The following EPHB2 variants were observed in gnomAD, a reference collection of about 807,000 sequenced individuals.
EPHB2 encodes ephrin type-B receptor 2.
In EPHB2, 18 loss-of-function variants were observed where a neutral mutation model predicts 96.4. That is an observed-to-expected ratio of 0.19 (90% confidence interval 0.13 to 0.28). The LOEUF (loss-of-function observed/expected upper bound fraction) is 0.28, where lower values mean the gene tolerates loss of function less well. Ranked by LOEUF, EPHB2 falls within the 10% of genes least tolerant of loss-of-function variation. EPHB2 has a pLI of 1.00. For missense variants in EPHB2, 989 were observed against 1,355.4 expected, an observed-to-expected ratio of 0.73 and a Z score of 4.25; for synonymous variants, 506 against 534.1, an observed-to-expected ratio of 0.95 and a Z score of 0.72.
chr1:22,901,746 G>A (rs533489571), intron 9 of EPHB2, among the ~76,000 whole-genome samples: 27 of 152,062 alleles, frequency 1.8e-4, no homozygotes, highest in Non-Finnish European at 3.8e-4. Context: ...CTCTGTAGCC[G>A]GCCTGGGTTC....
chr1:22,789,114 C>T (rs866987544), intron 3 of EPHB2, among the ~76,000 whole-genome samples: 1 of 152,108 alleles, frequency 6.6e-6, no homozygotes, highest in Non-Finnish European at 1.5e-5. Context: ...TGAGCTCAGA[C>T]GCACGATGTG....
At chr1:22,861,301 C>A (rs1372983175) in intron 3 of EPHB2, among the ~76,000 whole-genome samples, 1 of 151,858 alleles carries the variant, frequency 6.6e-6, no homozygotes, top group Non-Finnish European at 1.5e-5. Flanking sequence ...GCTTGCATGG[C>A]CTCCAAAGCC....
At chr1:22,884,935 A>G (rs1639175531) in intron 6 of EPHB2, among the ~76,000 whole-genome samples, 1 of 152,214 alleles carries the variant, frequency 6.6e-6, no homozygotes, top group Admixed American at 6.5e-5. Context: ...TGAGCTAGAA[A>G]GTAAGTTCCT....
intron 1 of EPHB2, among the ~76,000 whole-genome samples, chr1:22,725,118 G>C (rs1259194009): frequency 6.6e-6 from 1 of 152,010 alleles, no homozygotes; most frequent in Non-Finnish European, 1.5e-5. Flanking sequence ...CCATGTATAG[G>C]TTTCTCCCCC....
rs1644907977 is a variant in EPHB2, at chr1:22,805,277, G to A, written c.811+20201G>A. Among the ~76,000 whole-genome samples the A allele has an allele frequency of 2.0e-5, 3 of 152,106 alleles. No individual in the cohort carries two copies. The South Asian group carries it at 6.2e-4, about 32-fold the overall frequency. On this transcript the variant is annotated intron_variant, in intron 3 of 15. Coordinates refer to ENST00000374630, the MANE Select transcript of EPHB2 (RefSeq NM_017449.5). Reference sequence around the variant, plus strand: ...ACAGAAGTGTGTCCTGGTTCGAGGTGACCCCATTTGTGTGTCTCTGAGCCG... The same window carrying A: ...ACAGAAGTGTGTCCTGGTTCGAGGTAACCCCATTTGTGTGTCTCTGAGCCG...
chr1:22,818,772 C>T (rs570263789), intron 3 of EPHB2, among the ~76,000 whole-genome samples: 4 of 152,260 alleles, frequency 2.6e-5, no homozygotes, highest in Admixed American at 1.3e-4. Context: ...TCAGTTTTGA[C>T]GTCACCTCCA....
intron 9 of EPHB2, among the ~76,000 whole-genome samples, chr1:22,903,123 C>A (rs1570461287): frequency 6.6e-6 from 1 of 152,236 alleles, no homozygotes; most frequent in Non-Finnish European, 1.5e-5. Flanking sequence ...CTTTGTCCTG[C>A]AAGCAACAGA....
In EPHB2 at chr1:22,784,904, G is replaced by T. The variant is rs1644586981; in HGVS notation, c.639G>T (p.Gly213=). ...NGAIFQETLS[G]AESTSLVAAR... ...CCATCTTCCAGGAAACCCTGTCGGG[G>T]GCTGAGAGCACATCGCTGGTGGCTG... The change falls in exon 3 of 16, where the codon GGG becomes GGT. Residue 213 remains glycine (G), a synonymous_variant. Coordinates refer to ENST00000374630, the MANE Select transcript of EPHB2 (RefSeq NM_017449.5). This position sits in a 1 kb window ranked among gnomAD's most constrained non-coding sequence, Gnocchi z 5.1. 6.2e-7 allele frequency: 1 copy of T among 1,613,988 alleles called. No individual in the cohort carries two copies. The highest frequency in any genetic ancestry group is 1.6e-4 in the Middle Eastern group (1 of 6,062).
chr1:22,828,372 C>T (rs1401923695), intron 3 of EPHB2, among the ~76,000 whole-genome samples: 1 of 152,128 alleles, frequency 6.6e-6, no homozygotes, highest in African/African-American at 2.4e-5. Context: ...GGCATCCGGG[C>T]CCCTCCAGCT....
rs145662883 is a variant in EPHB2 at position 22,753,546 on chromosome 1, A to G, written c.62-27875A>G. 6.7e-3 allele frequency among the ~76,000 whole-genome samples: 1,020 copies of G among 152,240 alleles called. 16 individuals are homozygous for G. The highest frequency in any genetic ancestry group is 0.023 in the African/African-American group (952 of 41,542). On this transcript the variant is annotated intron_variant, in intron 1 of 15. Transcript: ENST00000374630. ...TGGGTGGTCAGGGAAGGCTCCCATG[A>G]GCCGAGTCGGAAGGGAAGGCAAGGG...
chr1:22,736,836 A>G (rs555063813), intron 1 of EPHB2, among the ~76,000 whole-genome samples: 43 of 152,232 alleles, frequency 2.8e-4, no homozygotes, highest in African/African-American at 9.9e-4. Flanking sequence ...CTTTGGGCCA[A>G]TGGAGACACA....
chr1:22,714,342 A>G (rs922464255), intron 1 of EPHB2, among the ~76,000 whole-genome samples: 25 of 152,208 alleles, frequency 1.6e-4, no homozygotes, highest in African/African-American at 6.0e-4. Context: ...TTTCTTAGCC[A>G]CCTGTCATGC....
intron 5 of EPHB2, among the ~76,000 whole-genome samples, chr1:22,873,248 C>A (rs115105719): frequency 6.6e-6 from 1 of 152,130 alleles, no homozygotes; most frequent in Non-Finnish European, 1.5e-5. Flanking sequence ...CCGGGTCACT[C>A]GGCAGCTCTT....
chr1:22,805,109 C>T (rs1347862784), intron 3 of EPHB2, among the ~76,000 whole-genome samples: 1 of 151,706 alleles, frequency 6.6e-6, no homozygotes, highest in Non-Finnish European at 1.5e-5. Flanking sequence ...CTCCTTGCCC[C>T]CACCACCTCC....
intron 6 of EPHB2, among the ~76,000 whole-genome samples, chr1:22,888,161 T>A (rs1373100617): frequency 1.3e-5 from 2 of 152,124 alleles, no homozygotes; most frequent in Non-Finnish European, 2.9e-5. Context: ...CCAGCCTCAG[T>A]CTCCCAAGTA....
chr1:22,742,339 G>A (rs1237782114), intron 1 of EPHB2, among the ~76,000 whole-genome samples: 3 of 152,248 alleles, frequency 2.0e-5, no homozygotes, highest in Middle Eastern at 3.4e-3. Flanking sequence ...AGGAATAATG[G>A]AGGAAAGTTG....
At chr1:22,877,908 G>GT (rs1318998169) in intron 5 of EPHB2, among the ~76,000 whole-genome samples, 1 of 152,270 alleles carries the variant, frequency 6.6e-6, no homozygotes, top group Non-Finnish European at 1.5e-5. Flanking sequence ...TAGAATCTCA[G>GT]TGGGGGGTGT....
At chr1:22,759,167 C>T (rs188653864) in intron 1 of EPHB2, among the ~76,000 whole-genome samples, 35 of 152,222 alleles carry the variant, frequency 2.3e-4, no homozygotes, top group Admixed American at 1.9e-3. Flanking sequence ...TTTCCCAGCT[C>T]GCTTCCTCAC....
At chr1:22,813,507 G>A (rs1304936396) in intron 3 of EPHB2, among the ~76,000 whole-genome samples, 2 of 152,256 alleles carry the variant, frequency 1.3e-5, no homozygotes, top group Non-Finnish European at 2.9e-5. Context: ...TGTGCCACAG[G>A]AGGTTGACCT....
Sources: gnomAD v4.1 joint callset for allele counts (sites outside exome capture counted in the v4.1 genomes callset) on GRCh38, gnomAD v4.1.1 for gene constraint, Gnocchi (gnomAD v3.1) non-coding constraint, MANE v1.5 for transcripts, NCBI Gene and HGNC (gene_info 2026-07-23, HGNC 2026-07-21) for gene names.